SLC9B2: variants seen among roughly 807,000 people sequenced by gnomAD.
SLC9B2 encodes the protein solute carrier family 9 member B2, also known as sodium/hydrogen exchanger 9B2.
A neutral mutation model predicts 52.2 loss-of-function variants in SLC9B2; 39 were observed. The ratio of observed to expected loss-of-function variants is 0.75; its 90% CI spans 0.58 to 0.98. The LOEUF (loss-of-function observed/expected upper bound fraction) is 0.98, where lower values mean the gene tolerates loss of function less well. Among genes scored for constraint, SLC9B2 ranks in the 50% least tolerant of loss-of-function variants. The probability of loss-of-function intolerance (pLI) is 0.00; values close to 1 mark genes in which losing one functional copy is unlikely to be tolerated. For synonymous variants in SLC9B2, 214 were observed against 227.0 expected (o/e 0.94, Z 0.51); for missense variants, 626 against 637.5 (o/e 0.98, Z 0.19).
chr4:103,027,217 A>C (rs1315812173), intron 11 of SLC9B2, among the ~76,000 whole-genome samples: 1 of 152,228 alleles, frequency 6.6e-6, no homozygotes, highest in Non-Finnish European at 1.5e-5. Context: ...CTATGTACTA[A>C]ATTTTTCCTG....
chr4:103,057,281 CACACACACATATAT>C (rs1430076531), intron 4 of SLC9B2, among the ~76,000 whole-genome samples: 10 of 144,306 alleles, frequency 6.9e-5, no homozygotes, highest in Non-Finnish European at 1.1e-4. Flanking sequence ...TATACACACA[CACACACACATATAT>C]ACACACACAC....
rs1255796295 is a variant in SLC9B2 at position 103,067,608 on chromosome 4, A to G, written c.-42-16T>C. On this transcript the variant is annotated splice_polypyrimidine_tract_variant and intron_variant, in intron 1 of 11. Coordinates refer to ENST00000394785, the MANE Select transcript of SLC9B2 (RefSeq NM_178833.7). ...GGAACGAGATCTGTTTTGAAAGAGT[A>G]TAGATATAGAGCAGTAATTTGAAAG... 7.8e-7 allele frequency: 1 copy of G among 1,281,242 alleles called. No homozygotes were observed. The highest frequency in any genetic ancestry group is 1.2e-5 in the South Asian group (1 of 83,982). The allele number at this position is 1,281,242 out of a possible 1,614,324, so 79.4% of individuals were successfully genotyped here. A position where few individuals can be genotyped will look rare whatever the true frequency, so the allele number is the denominator to read the frequency against.
chr4:103,034,647 T>A (rs965553660), intron 9 of SLC9B2, among the ~76,000 whole-genome samples: 2 of 152,158 alleles, frequency 1.3e-5, no homozygotes, highest in African/African-American at 2.4e-5. Flanking sequence ...GCAAAGCACA[T>A]GAACGGACAC....
At chr4:103,066,543 G>C (rs1343084504) in intron 2 of SLC9B2, 36 bp from the exon 3 acceptor site, 2 of 1,572,310 alleles carry the variant, frequency 1.3e-6, no homozygotes, top group Admixed American at 1.8e-5. Context: ...CCTTAAAACT[G>C]TATATATTTT....
intron 11 of SLC9B2, among the ~76,000 whole-genome samples, chr4:103,026,988 C>T (rs1742285430): frequency 6.6e-6 from 1 of 152,038 alleles, no homozygotes. Context: ...AGTGATCCTC[C>T]CTCCTTAGCC....
chr4:103,068,123 G>A (rs1746308383), intron 1 of SLC9B2, among the ~76,000 whole-genome samples: 1 of 152,210 alleles, frequency 6.6e-6, no homozygotes, highest in Non-Finnish European at 1.5e-5. Context: ...GAGTGCTATG[G>A]TAGTCACTTT....
chr4:103,043,505 A>AT, intron 8 of SLC9B2, 60 bp from the exon 9 acceptor site: 3 of 1,457,244 alleles, frequency 2.1e-6, no homozygotes, highest in Middle Eastern at 1.8e-4. Context: ...TTAATGATTG[A>AT]TTTTTTCCAT....
Position 103,026,212 on chromosome 4 carries a change from C to G in SLC9B2, c.*158G>C, listed in dbSNP as rs1004498896. The G allele has an allele frequency of 3.3e-6, 2 of 607,820 alleles. No homozygotes were observed. Among genetic ancestry groups the G allele is most frequent in the Non-Finnish European group, 2.8e-6 (1 of 358,688 alleles). 37.7% of individuals were successfully genotyped at this position (607,820 alleles called of 1,614,324 possible). A position where few individuals can be genotyped will look rare whatever the true frequency, so the allele number is the denominator to read the frequency against. Reference sequence around the variant, plus strand: ...GGTTGGTGATATAGATCATTACCACCCACATGGAAAGAGCAAGGGCTAAAA... The same window carrying G: ...GGTTGGTGATATAGATCATTACCACGCACATGGAAAGAGCAAGGGCTAAAA... On this transcript the variant is annotated 3_prime_UTR_variant, in exon 12 of 12. Coordinates refer to ENST00000394785, the MANE Select transcript of SLC9B2 (RefSeq NM_178833.7).
intron 2 of SLC9B2, 85 bp from the exon 3 acceptor site, chr4:103,066,592 C>T: frequency 3.1e-6 from 4 of 1,294,266 alleles, no homozygotes; most frequent in Non-Finnish European, 4.2e-6. Flanking sequence ...CCTTACAAAT[C>T]AAATTTCTAT....
At chr4:103,056,971 C>G (rs1745182245) in intron 4 of SLC9B2, among the ~76,000 whole-genome samples, 1 of 152,142 alleles carries the variant, frequency 6.6e-6, no homozygotes, top group African/African-American at 2.4e-5. Flanking sequence ...TTCACTCTGT[C>G]AATGTCATAA....
At chr4:103,018,960 G>C (rs1308461555), downstream of SLC9B2, among the ~76,000 whole-genome samples, 3 of 152,162 alleles carry the variant, frequency 2.0e-5, no homozygotes. Context: ...GCATGTGAGG[G>C]ATCTAAATTG....
At chr4:103,064,927 C>T (rs763178922) in intron 3 of SLC9B2, among the ~76,000 whole-genome samples, 6 of 151,710 alleles carry the variant, frequency 4.0e-5, no homozygotes, top group Admixed American at 2.0e-4. Context: ...AAAAGTTGGC[C>T]GGTTAAAACT....
intron 3 of SLC9B2, among the ~76,000 whole-genome samples, chr4:103,061,775 G>GT (rs1301794789): frequency 3.3e-5 from 5 of 152,158 alleles, no homozygotes; most frequent in African/African-American, 1.2e-4. Context: ...ATGATTCCCT[G>GT]TTTTCTTGAC....
rs1456182515 is a variant in SLC9B2 at position 103,043,278 on chromosome 4, A to G, written c.1146+18T>C. On this transcript the variant is annotated intron_variant, in intron 9 of 11. Coordinates refer to ENST00000394785, the MANE Select transcript of SLC9B2 (RefSeq NM_178833.7). ...TTAGAAAAGAGTCATGAGCAGAAAAACTTAAAATGAAATTCACCTTTTCGC... is the reference window on the plus strand; with the variant it reads ...TTAGAAAAGAGTCATGAGCAGAAAAGCTTAAAATGAAATTCACCTTTTCGC... 1 of 1,590,720 alleles carries G rather than the reference A, an allele frequency of 6.3e-7. No homozygotes were observed. Among genetic ancestry groups the G allele is most frequent in the African/African-American group, 1.4e-5 (1 of 73,986 alleles).
intron 9 of SLC9B2, among the ~76,000 whole-genome samples, chr4:103,035,911 G>A (rs1282094479): frequency 6.6e-6 from 1 of 152,048 alleles, no homozygotes; most frequent in African/African-American, 2.4e-5. Flanking sequence ...AAGAAAATGT[G>A]GTACATATAC....
chr4:103,020,509 C>CT (rs1192255187), downstream of SLC9B2: 1 of 308,978 alleles, frequency 3.2e-6, no homozygotes, highest in African/African-American at 2.2e-5. Flanking sequence ...CACTGTATTC[C>CT]TTTTTGCCTC....
At chr4:103,035,745 C>G (rs1177868415) in intron 9 of SLC9B2, among the ~76,000 whole-genome samples, 2 of 152,082 alleles carry the variant, frequency 1.3e-5, no homozygotes. Flanking sequence ...AATAGAACTA[C>G]CATTTGACAC....
chr4:103,026,621 CATG>C (rs1250448988), intron 11 of SLC9B2, 30 bp from the exon 12 acceptor site: 2 of 1,583,478 alleles, frequency 1.3e-6, no homozygotes, highest in African/African-American at 1.4e-5. Flanking sequence ...AAAATGGAAT[CATG>C]ATAAGATAAG....
chr4:103,035,410 T>A (rs1743081699), intron 9 of SLC9B2, among the ~76,000 whole-genome samples: 1 of 152,200 alleles, frequency 6.6e-6, no homozygotes. Flanking sequence ...TGATTTCATG[T>A]CTTTACTATT....
Sources: gnomAD v4.1 joint callset for allele counts (sites outside exome capture counted in the v4.1 genomes callset) on GRCh38, gnomAD v4.1.1 for gene constraint, MANE v1.5 for transcripts, NCBI Gene and HGNC (gene_info 2026-07-23, HGNC 2026-07-21) for gene names.